The following FABP6 variants were observed in gnomAD, a reference collection of about 807,000 sequenced individuals.
FABP6 encodes fatty acid binding protein 6.
A neutral mutation model predicts 14.9 loss-of-function variants in FABP6; 13 were observed. The observed-to-expected ratio is 0.87, with a 90% CI of 0.57 to 1.39. FABP6 has a LOEUF of 1.39. Ranked by LOEUF, FABP6 falls within the 40% of genes most tolerant of loss-of-function variation. FABP6 has a pLI of 0.00. For synonymous variants in FABP6, 75 were observed against 63.6 expected (o/e 1.18, Z -0.85); for missense variants, 161 against 167.2 (o/e 0.96, Z 0.20).
At chr5:160,213,810 T>C in exon 3 of FABP6, 1 of 1,613,550 alleles carries the variant, frequency 6.2e-7, no homozygotes, top group South Asian at 1.1e-5. Context: ...AACAGACACA[T>C]AAAGGAAAGG....
At chr5:160,199,462 T>A (rs1759584154) in intron 2 of FABP6, among the ~76,000 whole-genome samples, 3 of 151,936 alleles carry the variant, frequency 2.0e-5, no homozygotes. Flanking sequence ...CCTGGCCCCC[T>A]GGGCTCACCC....
At chr5:160,222,462 C>A (rs1184692896) in intron 3 of FABP6, among the ~76,000 whole-genome samples, 3 of 151,914 alleles carry the variant, frequency 2.0e-5, no homozygotes, top group African/African-American at 7.3e-5. Context: ...GCCTCCCAAG[C>A]AGCTGGGACT....
intron 3 of FABP6, among the ~76,000 whole-genome samples, chr5:160,236,750 T>G (rs1389112361): frequency 6.6e-6 from 1 of 151,264 alleles, no homozygotes; most frequent in Non-Finnish European, 1.5e-5. Flanking sequence ...GGCAAGTGGA[T>G]CACCTGAGGT....
At chr5:160,227,826 G>T (rs1238559794), upstream of FABP6, among the ~76,000 whole-genome samples, 1 of 148,436 alleles carries the variant, frequency 6.7e-6, no homozygotes, top group African/African-American at 2.5e-5. Context: ...TGACGTGTGT[G>T]TGTGTGTGTG....
intron 2 of FABP6, among the ~76,000 whole-genome samples, chr5:160,207,845 TC>T (rs1460856962): frequency 6.6e-6 from 1 of 151,234 alleles, no homozygotes; most frequent in Non-Finnish European, 1.5e-5. Flanking sequence ...TGCCTCAGCC[TC>T]CCCAGTAGCT....
intron 2 of FABP6, among the ~76,000 whole-genome samples, chr5:160,209,926 T>C (rs1759851276): frequency 6.6e-6 from 1 of 152,104 alleles, no homozygotes. Flanking sequence ...TACATTTTAA[T>C]CAAAAGTATA....
chr5:160,204,371 T>A (rs986571129), intron 2 of FABP6, among the ~76,000 whole-genome samples: 1 of 151,966 alleles, frequency 6.6e-6, no homozygotes, highest in African/African-American at 2.4e-5. Flanking sequence ...TTAAAAAAGC[T>A]CACTATGGAG....
At chr5:160,191,090 GAAAA>G (rs58261991) in intron 1 of FABP6, among the ~76,000 whole-genome samples, 1 of 127,632 alleles carries the variant, frequency 7.8e-6, no homozygotes. Flanking sequence ...ACTCCATCTG[GAAAA>G]AAAAAAAAAA....
chr5:160,203,033 C>T (rs963575142), intron 2 of FABP6, among the ~76,000 whole-genome samples: 1 of 151,850 alleles, frequency 6.6e-6, no homozygotes, highest in African/African-American at 2.4e-5. Context: ...TCCCAAGTAG[C>T]TGAGATTATA....
chr5:160,190,487 C>T (rs1375377879), intron 1 of FABP6, among the ~76,000 whole-genome samples: 1 of 152,192 alleles, frequency 6.6e-6, no homozygotes. Flanking sequence ...CCACCTTGGC[C>T]TCCCAAAGTG....
rs143134606 is a variant in FABP6 at position 160,235,861 on chromosome 5, A to T, written c.333+952A>T. ...AAGGAGCACACTGCCTCTCTCAGAC[A>T]CTGTGGTGTAAATGATTTACACCAC... On this transcript the variant is annotated intron_variant, in intron 3 of 3. Transcript: ENST00000402432. Among the ~76,000 whole-genome samples, 468 of 152,144 alleles carry T rather than the reference A, an allele frequency of 3.1e-3. 1 individual carries two copies. The highest frequency in any genetic ancestry group is 0.011 in the African/African-American group (442 of 41,500).
At chr5:160,202,523 G>A (rs1438675370) in intron 2 of FABP6, among the ~76,000 whole-genome samples, 4 of 152,180 alleles carry the variant, frequency 2.6e-5, no homozygotes, top group Admixed American at 6.5e-5. Context: ...TTGGCCGGGC[G>A]TGGTGGCTCA....
At chr5:160,200,405 CT>C (rs1275549465) in intron 2 of FABP6, among the ~76,000 whole-genome samples, 2 of 115,566 alleles carry the variant, frequency 1.7e-5, no homozygotes, top group African/African-American at 6.7e-5. Flanking sequence ...CCGTTGAGTC[CT>C]TTTTTTTCTA....
At chr5:160,189,310 C>T (rs374954357) in intron 1 of FABP6, among the ~76,000 whole-genome samples, 10 of 152,174 alleles carry the variant, frequency 6.6e-5, no homozygotes, top group East Asian at 1.9e-4. Context: ...GGCAGGATAT[C>T]GGTTCACTGC....
intron 1 of FABP6, among the ~76,000 whole-genome samples, chr5:160,188,462 C>T (rs2113044294): frequency 6.6e-6 from 1 of 152,302 alleles, no homozygotes; most frequent in South Asian, 2.1e-4. Context: ...GGGGCCCTTG[C>T]TCCAAAGCCA....
intron 2 of FABP6, among the ~76,000 whole-genome samples, chr5:160,205,433 C>T (rs193299770): frequency 8.7e-4 from 132 of 152,016 alleles, no homozygotes; most frequent in African/African-American, 2.9e-3. Flanking sequence ...CACAAGTGTG[C>T]ACACTCCTTT....
chr5:160,214,442 G>T (rs574384478), intron 3 of FABP6, among the ~76,000 whole-genome samples: 6 of 152,030 alleles, frequency 3.9e-5, no homozygotes, highest in Non-Finnish European at 7.4e-5. Context: ...TGGGATTACA[G>T]ATGTATGTCA....
At chr5:160,192,410 C>A (rs948023651) in intron 1 of FABP6, among the ~76,000 whole-genome samples, 11 of 152,238 alleles carry the variant, frequency 7.2e-5, no homozygotes. Flanking sequence ...ACTGCATCTT[C>A]CCCAGGGCAA....
intron 2 of FABP6, among the ~76,000 whole-genome samples, chr5:160,210,891 G>A (rs547008196): frequency 1.3e-5 from 2 of 152,186 alleles, no homozygotes; most frequent in African/African-American, 2.4e-5. Context: ...TTCTGCGGCT[G>A]CCACAGGAAT....
Sources: gnomAD v4.1 joint callset for allele counts (sites outside exome capture counted in the v4.1 genomes callset) on GRCh38, gnomAD v4.1.1 for gene constraint, MANE v1.5 for transcripts, NCBI Gene and HGNC (gene_info 2026-07-23, HGNC 2026-07-21) for gene names.